Variants in MROH9 observed in about 807,000 individuals in gnomAD.
MROH9 encodes the protein maestro heat-like repeat-containing protein family member 9.
A neutral mutation model predicts 98.2 loss-of-function variants in MROH9; 92 were observed. The observed-to-expected ratio is 0.94, with a 90% CI of 0.79 to 1.11. MROH9 has a LOEUF of 1.11. Ranked by LOEUF, MROH9 falls within the 50% of genes most tolerant of loss-of-function variation. The pLI is 0.00. For missense variants in MROH9, 1,057 were observed against 1,014.8 expected, an observed-to-expected ratio of 1.04 and a Z score of -0.57; for synonymous variants, 397 against 368.9, an observed-to-expected ratio of 1.08 and a Z score of -0.87.
At chr1:170,955,963 T>A (rs1169375165) in intron 3 of MROH9, among the ~76,000 whole-genome samples, 1 of 152,232 alleles carries the variant, frequency 6.6e-6, no homozygotes, top group Non-Finnish European at 1.5e-5. Context: ...TAGATTTAAG[T>A]CCTTAATCCA....
At position 170,977,491 on chromosome 1, in the gene MROH9, G is replaced by A. The variant is rs567239530; in HGVS notation, c.616+5608G>A. 3.3e-5 allele frequency among the ~76,000 whole-genome samples: 5 copies of A among 152,306 alleles called. No homozygotes were observed. The South Asian group carries it at 1.0e-3, about 32-fold the overall frequency. On this transcript the variant is annotated intron_variant, in intron 8 of 21. Transcript: ENST00000367759. ...TTTGGTTTCATGGTAGGGTATGTTA[G>A]TGAGATATTTTGTTGTTGAAGCTTT...
At chr1:170,947,438 A>G in intron 2 of MROH9, 89 bp from the exon 3 acceptor site, 2 of 1,052,772 alleles carry the variant, frequency 1.9e-6, no homozygotes, top group Non-Finnish European at 2.9e-6. Flanking sequence ...TCAAGGTCAT[A>G]GTAGCTTCAG....
intron 7 of MROH9, among the ~76,000 whole-genome samples, chr1:170,966,398 A>G (rs1442955528): frequency 1.3e-5 from 2 of 152,060 alleles, no homozygotes; most frequent in Non-Finnish European, 2.9e-5. Context: ...TCTGTTTCCC[A>G]ACTCATCCTT....
intron 6 of MROH9, among the ~76,000 whole-genome samples, chr1:170,962,799 C>G (rs927536698): frequency 1.3e-5 from 2 of 151,926 alleles, no homozygotes; most frequent in Non-Finnish European, 2.9e-5. Context: ...TATTGGACCC[C>G]TTCCTTACAC....
chr1:170,956,580 TC>T (rs1295277343), intron 3 of MROH9, among the ~76,000 whole-genome samples: 4 of 137,800 alleles, frequency 2.9e-5, no homozygotes, highest in Non-Finnish European at 4.5e-5. Context: ...TTTTTCTCTT[TC>T]CTTTTTTTTT....
At chr1:170,975,983 TTC>T (rs1468419740) in intron 8 of MROH9, among the ~76,000 whole-genome samples, 1 of 152,216 alleles carries the variant, frequency 6.6e-6, no homozygotes, top group East Asian at 1.9e-4. Context: ...CCCAGCCTTT[TTC>T]TGTTTTCCAT....
At chr1:171,043,111 T>C (rs1486050497) in intron 20 of MROH9, among the ~76,000 whole-genome samples, 2 of 152,166 alleles carry the variant, frequency 1.3e-5, no homozygotes, top group Admixed American at 6.5e-5. Flanking sequence ...AATAGGTGTA[T>C]ATTTTGAGGT....
Position 171,012,499 on chromosome 1 carries a change from A to ATTT in MROH9, c.1597-1599_1597-1597dup, listed in dbSNP as rs372676922. On this transcript the variant is annotated intron_variant, in intron 15 of 21. Transcript: ENST00000367759. ...GAAAACATGATTTTATAAAACTGTC[A>ATTT]TTTTTTTTTTTTTTTTTTTTTGAGA... 9.0e-4 allele frequency among the ~76,000 whole-genome samples: 103 copies of ATTT among 114,204 alleles called. 2 individuals are homozygous for ATTT. Among genetic ancestry groups the ATTT allele is most frequent in the Middle Eastern group, 4.9e-3 (1 of 204 alleles). 74.9% of individuals were successfully genotyped at this position (114,204 alleles called of 152,430 possible). A position where few individuals can be genotyped will look rare whatever the true frequency, so the allele number is the denominator to read the frequency against.
intron 17 of MROH9, 125 bp downstream of exon 17, chr1:171,016,461 G>A (rs1016362705): frequency 1.4e-6 from 1 of 702,062 alleles, no homozygotes; most frequent in Non-Finnish European, 2.1e-6. Context: ...TTCTTTTACA[G>A]AGATAAAAAT....
At chr1:170,961,508 T>C (rs1650014398) in intron 5 of MROH9, among the ~76,000 whole-genome samples, 2 of 152,170 alleles carry the variant, frequency 1.3e-5, no homozygotes, top group African/African-American at 4.8e-5. Context: ...AAATGCAGCA[T>C]TCATAAACAT....
intron 20 of MROH9, among the ~76,000 whole-genome samples, chr1:171,052,326 C>A (rs562803347): frequency 3.3e-5 from 5 of 152,266 alleles, no homozygotes; most frequent in Non-Finnish European, 5.9e-5. Context: ...GCCAGGCAGG[C>A]CCATCCGTGG....
intron 12 of MROH9, 22 bp from the exon 13 acceptor site, chr1:170,995,367 C>T (rs1651525410): frequency 6.2e-7 from 1 of 1,612,094 alleles, no homozygotes; most frequent in South Asian, 1.1e-5. Flanking sequence ...ACATTTCTAC[C>T]TCCTATTTCC....
At chr1:171,059,153 A>T (rs1557917951) in intron 20 of MROH9, among the ~76,000 whole-genome samples, 2 of 152,204 alleles carry the variant, frequency 1.3e-5, no homozygotes, top group African/African-American at 4.8e-5. Flanking sequence ...GAAAAAAACA[A>T]GTATCAATAG....
At chr1:170,998,598 A>T in intron 15 of MROH9, 1 of 1,312,232 alleles carries the variant, frequency 7.6e-7, no homozygotes, top group Non-Finnish European at 9.7e-7. Context: ...ATTGGGTTTA[A>T]TAAAGATGGT....
chr1:171,041,342 C>A (rs1453647108), intron 20 of MROH9, among the ~76,000 whole-genome samples: 1 of 92,330 alleles, frequency 1.1e-5, no homozygotes, highest in Non-Finnish European at 2.2e-5. Flanking sequence ...GAGTAGTATT[C>A]CATGATGTGT....
intron 1 of MROH9, among the ~76,000 whole-genome samples, chr1:170,935,856 G>A (rs928881476): frequency 1.3e-5 from 2 of 151,518 alleles, no homozygotes; most frequent in South Asian, 2.1e-4. Context: ...GCTGGGTGTG[G>A]TGGCGGGTGC....
intron 15 of MROH9, among the ~76,000 whole-genome samples, chr1:171,013,051 C>T (rs1652213981): frequency 6.6e-6 from 1 of 152,184 alleles, no homozygotes; most frequent in African/African-American, 2.4e-5. Flanking sequence ...CACCCTGCTT[C>T]ATATTCCTCA....
intron 15 of MROH9, among the ~76,000 whole-genome samples, 163 bp from the exon 16 acceptor site, chr1:171,013,954 C>T (rs1652245435): frequency 6.6e-6 from 1 of 151,712 alleles, no homozygotes; most frequent in Non-Finnish European, 1.5e-5. Context: ...TTTTTCTATC[C>T]TGATTGTTGT....
In MROH9 at chr1:170,950,699, CAAAT is replaced by C. The variant is rs544918762; in HGVS notation, c.72+3133_72+3136del. Among the ~76,000 whole-genome samples the C allele has an allele frequency of 5.9e-5, 9 of 152,134 alleles. No homozygotes were observed. In the South Asian group the frequency reaches 1.0e-3, roughly 18 times the overall value. On this transcript the variant is annotated intron_variant, in intron 3 of 21. Coordinates refer to ENST00000367759, the MANE Select transcript of MROH9 (RefSeq NM_001163629.2). ...TGTATTACCTTTTTATATGTTCAAA[CAAAT>C]AAATAAGGTATACTACTTTAAAAGT... is the stretch of plus-strand genomic sequence containing the variant.
Sources: gnomAD v4.1 joint callset for allele counts (sites outside exome capture counted in the v4.1 genomes callset) on GRCh38, gnomAD v4.1.1 for gene constraint, MANE v1.5 for transcripts, NCBI Gene and HGNC (gene_info 2026-07-23, HGNC 2026-07-21) for gene names.